The following ANKLE2 variants were observed in gnomAD, a reference collection of about 807,000 sequenced individuals.
ANKLE2 encodes ankyrin repeat and LEM domain-containing protein 2.
A neutral mutation model predicts 84.2 loss-of-function variants in ANKLE2; 55 were observed. That is an observed-to-expected ratio of 0.65 (90% confidence interval 0.53 to 0.82). The LOEUF is 0.82. Among genes scored for constraint, ANKLE2 ranks in the 40% least tolerant of loss-of-function variants. The probability of loss-of-function intolerance (pLI) is 0.00; values close to 1 mark genes in which losing one functional copy is unlikely to be tolerated. For missense variants in ANKLE2, 1,238 were observed against 1,201.9 expected (o/e 1.03, Z -0.44); for synonymous variants, 551 against 486.1 (o/e 1.13, Z -1.76).
rs779506017 is a variant in ANKLE2, at chr12:132,727,368, C to T, written c.2691G>A (p.Pro897=). Residue 897 remains proline (P), a synonymous_variant, in exon 13 of 13, where the codon CCG becomes CCA. Transcript: ENST00000357997. The stretch of plus-strand genomic sequence containing the variant: ...TGCTTCCAGCCACGCTGTTTCTCCC[C>T]GGACTGTAGCTGTGAGGGCCACTGA... ...PDLSGPHSYS[P]GRNSVAGSNP... 177 of 1,560,988 alleles carry T rather than the reference C, an allele frequency of 1.1e-4. No individual in the cohort carries two copies. The highest frequency in any genetic ancestry group is 1.7e-4 in the Middle Eastern group (1 of 6,034).
chr12:132,730,326 T>G, intron 10 of ANKLE2, 56 bp from the exon 11 acceptor site: 1 of 1,432,258 alleles, frequency 7.0e-7, no homozygotes, highest in Non-Finnish European at 9.3e-7. Context: ...GCCACGGAGC[T>G]GCTCCGCCCC....
chr12:132,747,963 A>C lies in ANKLE2; in HGVS notation c.1099T>G (p.Cys367Gly). ...VAAKENQASICQLTLDVLENP... is the reference protein window; with the variant it reads ...VAAKENQASIGQLTLDVLENP... ...TCCAGGACGTCCAGAGTCAGCTGGC[A>C]GATGGAAGCCTGGTTCTCTTTGGCA... Residue 367 changes from cysteine (C) to glycine (G), a missense_variant, in exon 5 of 13, where the codon TGC (cysteine) becomes GGC (glycine). By Grantham distance (159) the Cys-to-Gly change is radical. Coordinates refer to ENST00000357997, the MANE Select transcript of ANKLE2 (RefSeq NM_015114.3). 1 of 1,598,660 alleles carries C rather than the reference A, an allele frequency of 6.3e-7. No homozygotes were observed. The highest frequency in any genetic ancestry group is 8.5e-7 in the Non-Finnish European group (1 of 1,176,228).
intron 7 of ANKLE2, among the ~76,000 whole-genome samples, chr12:132,740,270 A>C (rs548767745): frequency 6.6e-6 from 1 of 152,348 alleles, no homozygotes; most frequent in African/African-American, 2.4e-5. Flanking sequence ...ACACTGAAGA[A>C]GTGTAATTAA....
At position 132,761,611 on chromosome 12, in the gene ANKLE2, G is replaced by T; in HGVS notation, c.181+7C>A. On this transcript the variant is annotated splice_region_variant and intron_variant, in intron 1 of 12. Coordinates refer to ENST00000357997, the MANE Select transcript of ANKLE2 (RefSeq NM_015114.3). ...GTGCGGGGACCCAGCGACCGCCTGG[G>T]CCTTACCTGAGGCGGGGGCGGCGGC... is the stretch of plus-strand genomic sequence containing the variant. The T allele has an allele frequency of 8.0e-7, 1 of 1,244,006 alleles. No individual in the cohort carries two copies. The highest frequency in any genetic ancestry group is 1.0e-6 in the Non-Finnish European group (1 of 993,846). 77.1% of individuals were successfully genotyped at this position (1,244,006 alleles called of 1,614,324 possible).
Position 132,729,671 on chromosome 12 carries a change from A to AGT in ANKLE2, c.2483+7_2483+8insAC, listed in dbSNP as rs768428000. On this transcript the variant is annotated splice_region_variant and intron_variant, in intron 11 of 12. Transcript: ENST00000357997. The stretch of plus-strand genomic sequence containing the variant: ...GGAAAGTGAGTGCAGAGGGCAACAC[A>AGT]CTCCTACCCAAAAAGGAAGAGCCGC... 3.2e-6 allele frequency: 5 copies of AGT among 1,580,266 alleles called. No homozygotes were observed. The South Asian group carries it at 3.4e-5, about 11-fold the overall frequency.
chr12:132,749,531 A>G (rs541901778), intron 3 of ANKLE2, among the ~76,000 whole-genome samples: 24 of 152,344 alleles, frequency 1.6e-4, no homozygotes, highest in African/African-American at 5.5e-4. Context: ...ACCTGTTAGA[A>G]GCCACTCTGG....
At chr12:132,752,309 C>T (rs1027848313) in intron 2 of ANKLE2, among the ~76,000 whole-genome samples, 6 of 152,110 alleles carry the variant, frequency 3.9e-5, no homozygotes, top group Non-Finnish European at 5.9e-5. Flanking sequence ...CACTGCACTC[C>T]GGCCTGGCGA....
intron 11 of ANKLE2, among the ~76,000 whole-genome samples, chr12:132,728,805 T>C (rs954590752): frequency 2.0e-5 from 3 of 152,330 alleles, no homozygotes; most frequent in Admixed American, 2.0e-4. Context: ...TTTGCATACT[T>C]GCACCCCCAG....
rs1780075439 is a variant in ANKLE2, at chr12:132,754,724, G to GGGC, written c.588_590dup (p.Pro197dup). On this transcript the variant is annotated inframe_insertion, in exon 2 of 13. Transcript: ENST00000357997. ...ACACTGGACACACCCCATAGTACAG[G>GGGC]GGCGGCTCCTTAGACGCAGTCGCTC... The GGGC allele has an allele frequency of 6.2e-7, 1 of 1,613,926 alleles. No homozygotes were observed. The highest frequency in any genetic ancestry group is 1.1e-5 in the South Asian group (1 of 91,078).
Position 132,728,050 on chromosome 12 carries a change from G to C in ANKLE2, c.2597C>G (p.Ser866Ter). 1 of 1,609,474 alleles carries C rather than the reference G, an allele frequency of 6.2e-7. No homozygotes were observed. Among genetic ancestry groups the C allele is most frequent in the Non-Finnish European group, 8.5e-7 (1 of 1,179,090 alleles). ...HRWKSAVLCYSPSDRQSWPSP... is the reference protein window; with the variant it reads ...HRWKSAVLCY ...CACATACCTCTGTCTGTCCGAGGGT[G>C]AGTAGCACAGGACAGCACTCTTCCA... Residue 866 changes from serine (S) to a stop codon, truncating the protein, a stop_gained, in exon 12 of 13, where the codon TCA (serine) becomes TGA (stop). Transcript: ENST00000357997. LOFTEE classifies it low-confidence loss of function (END_TRUNC).
In ANKLE2 at chr12:132,729,951, A is replaced by C; in HGVS notation, c.2211T>G (p.Asp737Glu). Residue 737 changes from aspartate to glutamate, a missense_variant, in exon 11 of 13, where the codon GAT (aspartate) becomes GAG (glutamate). Physicochemically the swap from Asp to Glu is conservative, Grantham distance 45. This residue lies in a region of ANKLE2 where 802 missense variants were observed against 774.5 expected (regional missense o/e 1.04). Coordinates refer to ENST00000357997, the MANE Select transcript of ANKLE2 (RefSeq NM_015114.3). ...GTCCTATATTTTGCAAATTCAGTTT[A>C]TCAAACTCAACAGTCAAATCCGAGA... Reference protein sequence around the residue: ...PPVSDLTVEFDKLNLQNIGRS... With the variant: ...PPVSDLTVEFEKLNLQNIGRS... 2 of 1,613,498 alleles carry C rather than the reference A, an allele frequency of 1.2e-6. No individual in the cohort carries two copies. The highest frequency in any genetic ancestry group is 1.7e-6 in the Non-Finnish European group (2 of 1,179,932).
intron 10 of ANKLE2, among the ~76,000 whole-genome samples, chr12:132,733,504 C>T (rs1321083427): frequency 6.6e-6 from 1 of 150,728 alleles, no homozygotes; most frequent in African/African-American, 2.5e-5. Flanking sequence ...CTGATATGCA[C>T]CGTGTGAAGC....
intron 8 of ANKLE2, among the ~76,000 whole-genome samples, chr12:132,736,046 G>A (rs1174255976): frequency 1.3e-5 from 2 of 152,194 alleles, no homozygotes; most frequent in Non-Finnish European, 2.9e-5. Context: ...CCACCTCCGG[G>A]GTTCAGGCCA....
intron 6 of ANKLE2, among the ~76,000 whole-genome samples, chr12:132,742,930 A>C (rs1371116653): frequency 6.6e-6 from 1 of 151,952 alleles, no homozygotes. Context: ...TTAGGAAAAT[A>C]AAATCAGCAA....
chr12:132,753,893 T>C (rs1378625205), intron 2 of ANKLE2, among the ~76,000 whole-genome samples: 2 of 152,178 alleles, frequency 1.3e-5, no homozygotes, highest in Non-Finnish European at 2.9e-5. Flanking sequence ...ACTGCACCAC[T>C]GCAATGCAGC....
In ANKLE2 at chr12:132,754,879, T is replaced by A; in HGVS notation, c.436A>T (p.Thr146Ser). Reference sequence around the variant, plus strand: ...TCTTCAGAAAAACCAGCCTGATCAGTTGGGTTCCCTTCAGCTGGCTTCAAA... The same window carrying A: ...TCTTCAGAAAAACCAGCCTGATCAGATGGGTTCCCTTCAGCTGGCTTCAAA... ...RILKPAEGNP[T>S]DQAGFSEDRD... The change falls in exon 2 of 13, where the codon ACT becomes TCT. Residue 146 changes from threonine (T) to serine (S), a missense_variant. Coordinates refer to ENST00000357997, the MANE Select transcript of ANKLE2 (RefSeq NM_015114.3). 2 of 1,614,162 alleles carry A rather than the reference T, an allele frequency of 1.2e-6. No homozygotes were observed.
Position 132,747,872 on chromosome 12 carries a change from C to G in ANKLE2, c.1190G>C (p.Arg397Pro). 9 of 1,611,164 alleles carry G rather than the reference C, an allele frequency of 5.6e-6. No homozygotes were observed. Among genetic ancestry groups the G allele is most frequent in the Non-Finnish European group, 7.6e-6 (9 of 1,179,302 alleles). ...DDEAMLQKRIRYVVDLYLNTP... is the reference protein window; with the variant it reads ...DDEAMLQKRIPYVVDLYLNTP... ...GTTGAGGTACAGGTCCACCACGTAA[C>G]GGATACGCTTCTGCAGCATGGCCTC... The change falls in exon 5 of 13, where the codon CGT (arginine) becomes CCT (proline). Residue 397 changes from arginine (R) to proline (P), a missense_variant. Transcript: ENST00000357997.
chr12:132,744,427 G>A (rs1305029896), intron 5 of ANKLE2, among the ~76,000 whole-genome samples: 3 of 152,142 alleles, frequency 2.0e-5, no homozygotes, highest in East Asian at 3.9e-4. Flanking sequence ...TCTGCACAGG[G>A]AAGAAAAACT....
chr12:132,759,324 A>G (rs1023741162), intron 1 of ANKLE2: 37 of 152,260 alleles, frequency 2.4e-4, no homozygotes, highest in African/African-American at 8.4e-4. Flanking sequence ...AATTACAAAT[A>G]AAGTTGCTAT....
Sources: allele counts gnomAD v4.1 joint callset (sites outside exome capture counted in the v4.1 genomes callset), GRCh38; gene constraint gnomAD v4.1.1; regional missense constraint gnomAD v4.1.1; transcripts MANE v1.5; gene names NCBI Gene and HGNC (gene_info 2026-07-23, HGNC 2026-07-21).